Variants in PIP5K1C observed in about 807,000 individuals in gnomAD.
PIP5K1C encodes the protein phosphatidylinositol-4-phosphate 5-kinase type 1 gamma.
In PIP5K1C, 45 loss-of-function variants were observed where a neutral mutation model predicts 80.1. The observed-to-expected ratio is 0.56, with a 90% CI of 0.44 to 0.72. PIP5K1C has a LOEUF of 0.72. Among genes scored for constraint, PIP5K1C ranks in the 30% least tolerant of loss-of-function variants. PIP5K1C has a pLI of 0.00. For missense variants in PIP5K1C, 753 were observed against 954.6 expected (o/e 0.79, Z 2.78); for synonymous variants, 498 against 420.1 (o/e 1.19, Z -2.27).
chr19:3,651,415 G>A (rs1240546978), intron 8 of PIP5K1C, among the ~76,000 whole-genome samples: 2 of 152,200 alleles, frequency 1.3e-5, no homozygotes, highest in Admixed American at 6.5e-5. Flanking sequence ...CGTGGGCTGT[G>A]TCCTGCTGTG....
Position 3,632,939 on chromosome 19 carries a change from G to A in PIP5K1C, c.*228C>T, listed in dbSNP as rs544890409. The A allele has an allele frequency of 3.2e-5, 17 of 528,976 alleles. No individual in the cohort carries two copies. The highest frequency in any genetic ancestry group is 1.0e-4 in the Admixed American group (3 of 29,652). The allele number at this position is 528,976 out of a possible 1,614,324, so 32.8% of individuals were successfully genotyped here. ...AGGACTCAAATGCGATTGGCCGCTC[G>A]GGAGGGTGGGTCTCACAGGGGCAGG... On this transcript the variant is annotated 3_prime_UTR_variant, in exon 18 of 18. Coordinates refer to ENST00000335312, the MANE Select transcript of PIP5K1C (RefSeq NM_012398.3).
At chr19:3,634,213 G>A (rs972341902) in intron 16 of PIP5K1C, among the ~76,000 whole-genome samples, 19 of 151,992 alleles carry the variant, frequency 1.3e-4, no homozygotes, top group Non-Finnish European at 2.6e-4. Flanking sequence ...TGCGTGAGGG[G>A]TCCCAGGTCT....
chr19:3,699,463 G>C (rs766079766), intron 1 of PIP5K1C, among the ~76,000 whole-genome samples: 1 of 152,182 alleles, frequency 6.6e-6, no homozygotes, highest in African/African-American at 2.4e-5. Context: ...GGGAGGCCTG[G>C]GGGGAGAAGG....
At chr19:3,641,212 C>T (rs190962626) in intron 15 of PIP5K1C, among the ~76,000 whole-genome samples, 63 of 151,392 alleles carry the variant, frequency 4.2e-4, no homozygotes, top group African/African-American at 1.5e-3. Flanking sequence ...AATATCCTGT[C>T]TCACAAAAAA....
rs2033432038 is a variant in PIP5K1C, at chr19:3,630,194, C to G, written c.*2973G>C. On this transcript the variant is annotated 3_prime_UTR_variant, in exon 18 of 18. Transcript: ENST00000335312. ...GGCAAACAGGCGGATGCTTATTACC[C>G]GATTTATTAGAGAGATCTCTAAAAA... The G allele has an allele frequency of 6.6e-6, 1 of 152,360 alleles. No individual in the cohort carries two copies. Among genetic ancestry groups the G allele is most frequent in the African/African-American group, 2.4e-5 (1 of 41,436 alleles). The allele number at this position is 152,360 out of a possible 1,614,324, so 9.4% of individuals were successfully genotyped here.
intron 4 of PIP5K1C, 72 bp downstream of exon 4, chr19:3,661,799 C>G (rs1471121741): frequency 1.9e-6 from 3 of 1,585,020 alleles, no homozygotes; most frequent in African/African-American, 1.3e-5. Flanking sequence ...GAAGGGCGCT[C>G]AGGACAGGCC....
intron 1 of PIP5K1C, among the ~76,000 whole-genome samples, chr19:3,690,323 C>G (rs1370418917): frequency 1.3e-5 from 2 of 151,850 alleles, no homozygotes; most frequent in East Asian, 3.9e-4. Flanking sequence ...ATGGGAAGAC[C>G]CTGTCTCCAT....
chr19:3,698,012 G>A (rs896387820), intron 1 of PIP5K1C, among the ~76,000 whole-genome samples: 3 of 152,232 alleles, frequency 2.0e-5, no homozygotes, highest in African/African-American at 7.2e-5. Flanking sequence ...AGCCGAAATC[G>A]CCAAGGACGA....
intron 5 of PIP5K1C, among the ~76,000 whole-genome samples, chr19:3,658,526 C>T (rs948909831): frequency 2.0e-5 from 3 of 152,246 alleles, no homozygotes; most frequent in Non-Finnish European, 4.4e-5. Flanking sequence ...CAGACACAGG[C>T]GCAGCAGCGC....
chr19:3,652,036 C>A lies in PIP5K1C; in HGVS notation c.922-5G>T. 1 of 1,612,916 alleles carries A rather than the reference C, an allele frequency of 6.2e-7. No homozygotes were observed. Among genetic ancestry groups the A allele is most frequent in the Non-Finnish European group, 8.5e-7 (1 of 1,179,842 alleles). On this transcript the variant is annotated splice_region_variant and splice_polypyrimidine_tract_variant and intron_variant, in intron 7 of 17. Transcript: ENST00000335312. ...GATCTTGAAACTTTCCAGGACCTGG[C>A]GGGATCGGGCAGGAACACGCCACGC...
intron 1 of PIP5K1C, among the ~76,000 whole-genome samples, chr19:3,681,484 G>A (rs371248749): frequency 2.5e-4 from 38 of 152,018 alleles, no homozygotes; most frequent in African/African-American, 8.7e-4. Context: ...CACCCACCTC[G>A]GCCTCCCAAA....
intron 13 of PIP5K1C, 140 bp from the exon 14 acceptor site, chr19:3,643,079 TG>T: frequency 6.8e-7 from 1 of 1,463,826 alleles, no homozygotes; most frequent in Admixed American, 1.7e-5. Flanking sequence ...TCCCACACAT[TG>T]GATGCTCCGC....
chr19:3,695,789 T>C lies in PIP5K1C; in HGVS notation c.94+4508A>G, dbSNP rs114537818. Among the ~76,000 whole-genome samples the C allele has an allele frequency of 2.4e-3, 364 of 150,220 alleles. 2 individuals carry two copies. The highest frequency in any genetic ancestry group is 8.4e-3 in the African/African-American group (344 of 40,740). On this transcript the variant is annotated intron_variant, in intron 1 of 17. Coordinates refer to ENST00000335312, the MANE Select transcript of PIP5K1C (RefSeq NM_012398.3). ...GTCACCCAGGCATGCAGTGGCACGA[T>C]CACAGCTCAGTGCAGCCTCAGCCTC... is the stretch of plus-strand genomic sequence containing the variant.
At chr19:3,655,314 A>C (rs1172818520) in intron 6 of PIP5K1C, among the ~76,000 whole-genome samples, 1 of 151,710 alleles carries the variant, frequency 6.6e-6, no homozygotes, top group Admixed American at 6.6e-5. Flanking sequence ...GCTACTCGGG[A>C]GGCTGAGGCA....
At chr19:3,633,352 C>T in intron 17 of PIP5K1C, 85 bp downstream of exon 17, 1 of 1,114,098 alleles carries the variant, frequency 9.0e-7, no homozygotes, top group Non-Finnish European at 1.3e-6. Flanking sequence ...GGGCCTCAGT[C>T]CCTGCCTATC....
At chr19:3,655,214 C>T (rs988030539) in intron 6 of PIP5K1C, among the ~76,000 whole-genome samples, 3 of 149,800 alleles carry the variant, frequency 2.0e-5, no homozygotes, top group African/African-American at 4.9e-5. Context: ...ATCAGGAAAT[C>T]GAGACCATCC....
intron 8 of PIP5K1C, chr19:3,649,926 C>A: frequency 3.8e-6 from 1 of 264,460 alleles, no homozygotes; most frequent in Non-Finnish European, 7.4e-6. Context: ...CATCCTGAAG[C>A]CACTGGGACC....
Position 3,633,451 on chromosome 19 carries a change from C to T in PIP5K1C, c.1990G>A (p.Gly664Ser), listed in dbSNP as rs560896931. Reference sequence around the variant, plus strand: ...GCTGCACTTACTGTGTCGCTCTCGCCGTCGGAGGCCGGGGGGGCCTGGGCG... The same window carrying T: ...GCTGCACTTACTGTGTCGCTCTCGCTGTCGGAGGCCGGGGGGGCCTGGGCG... ...YSAQAPPASD[G>S]ESDT Residue 664 changes from glycine (G) to serine (S), a missense_variant, in exon 17 of 18, where the codon GGC (glycine) becomes AGC (serine). By Grantham distance (56) the Gly-to-Ser change is moderately conservative. Around this residue, in one of 6 missense-constraint regions of PIP5K1C, gnomAD observed 315 missense variants for 294.5 expected, o/e 1.07. Coordinates refer to ENST00000335312, the MANE Select transcript of PIP5K1C (RefSeq NM_012398.3). The T allele has an allele frequency of 5.9e-5, 89 of 1,497,762 alleles. No individual in the cohort carries two copies. The highest frequency in any genetic ancestry group is 3.5e-4 in the South Asian group (25 of 72,026). The allele number at this position is 1,497,762 out of a possible 1,614,324, so 92.8% of individuals were successfully genotyped here.
chr19:3,673,241 C>A (rs1051376776), intron 1 of PIP5K1C, among the ~76,000 whole-genome samples: 2 of 152,130 alleles, frequency 1.3e-5, no homozygotes, highest in Non-Finnish European at 2.9e-5. Flanking sequence ...GCCTGGCCTG[C>A]CAGTCCCAAG....
Sources: allele counts gnomAD v4.1 joint callset (sites outside exome capture counted in the v4.1 genomes callset), GRCh38; gene constraint gnomAD v4.1.1; regional missense constraint gnomAD v4.1.1; transcripts MANE v1.5; gene names NCBI Gene and HGNC (gene_info 2026-07-23, HGNC 2026-07-21).